Variants in CALD1 observed in about 807,000 individuals in gnomAD.
CALD1 encodes caldesmon.
In CALD1, 33 loss-of-function variants were observed where a neutral mutation model predicts 99.9. The ratio of observed to expected loss-of-function variants is 0.33; its 90% CI spans 0.25 to 0.44. The LOEUF (loss-of-function observed/expected upper bound fraction) is 0.44. Among genes scored for constraint, CALD1 ranks in the 20% least tolerant of loss-of-function variants. The pLI, the probability that CALD1 is intolerant of heterozygous loss-of-function variation, is 1.00. For missense variants in CALD1, 861 were observed against 962.1 expected (o/e 0.89, Z 1.39); for synonymous variants, 310 against 325.0 (o/e 0.95, Z 0.50).
At chr7:134,882,075 A>C (rs1801631272) in intron 3 of CALD1, among the ~76,000 whole-genome samples, 2 of 152,210 alleles carry the variant, frequency 1.3e-5, no homozygotes, top group African/African-American at 4.8e-5. Flanking sequence ...CGTAGATCAG[A>C]AACTACATCT....
upstream of CALD1, among the ~76,000 whole-genome samples, chr7:134,777,296 T>C (rs4732057): frequency 0.58 from 88,776 of 152,008 alleles, 27,140 homozygotes; most frequent in East Asian, 0.91. Flanking sequence ...CCATGATAAG[T>C]GTATTTCAAA....
chr7:134,825,425 G>C (rs1471594083), intron 1 of CALD1, among the ~76,000 whole-genome samples: 1 of 152,080 alleles, frequency 6.6e-6, no homozygotes, highest in Non-Finnish European at 1.5e-5. Context: ...ATTTTTATAA[G>C]TGATTAGGGT....
intron 1 of CALD1, among the ~76,000 whole-genome samples, chr7:134,832,520 G>A (rs973902221): frequency 6.6e-6 from 1 of 152,224 alleles, no homozygotes; most frequent in African/African-American, 2.4e-5. Context: ...GGGGTATAAA[G>A]TTGTGTGAAA....
chr7:134,794,788 A>G (rs1393323268), intron 1 of CALD1, among the ~76,000 whole-genome samples: 1 of 152,220 alleles, frequency 6.6e-6, no homozygotes, highest in African/African-American at 2.4e-5. Context: ...CTATAAGTCT[A>G]ACATAAGTAA....
At chr7:134,835,594 T>A (rs905358011) in intron 1 of CALD1, among the ~76,000 whole-genome samples, 2 of 152,164 alleles carry the variant, frequency 1.3e-5, no homozygotes, top group African/African-American at 4.8e-5. Context: ...ATTACATCAA[T>A]AAAGTGTGCC....
At chr7:134,949,458 C>T (rs1489200715) in intron 8 of CALD1, among the ~76,000 whole-genome samples, 1 of 152,106 alleles carries the variant, frequency 6.6e-6, no homozygotes, top group Non-Finnish European at 1.5e-5. Flanking sequence ...AATGAAGACA[C>T]AGAGGGGTTA....
intron 1 of CALD1, among the ~76,000 whole-genome samples, chr7:134,758,423 T>C (rs574940406): frequency 6.6e-6 from 1 of 152,210 alleles, no homozygotes; most frequent in South Asian, 2.1e-4. Context: ...CATTTAAACT[T>C]TAAGTGAACT....
chr7:134,856,402 G>C (rs1800305089), intron 2 of CALD1, among the ~76,000 whole-genome samples: 1 of 152,186 alleles, frequency 6.6e-6, no homozygotes, highest in African/African-American at 2.4e-5. Flanking sequence ...GGAAGGGTAG[G>C]TTCCCAAGCA....
At chr7:134,769,318 T>C (rs1327445506) in intron 1 of CALD1, among the ~76,000 whole-genome samples, 2 of 152,176 alleles carry the variant, frequency 1.3e-5, no homozygotes, top group Admixed American at 6.5e-5. Context: ...TGAAAGTCAC[T>C]AGATATTGTC....
the CALD1 span, among the ~76,000 whole-genome samples, chr7:134,731,575 G>A: frequency 0.53 from 81,287 of 151,942 alleles, 23,152 homozygotes; most frequent in East Asian, 0.82. Context: ...ACCATGTCCC[G>A]CTATGAAATT....
chr7:134,788,615 C>T (rs1246090937), intron 1 of CALD1, among the ~76,000 whole-genome samples: 1 of 152,122 alleles, frequency 6.6e-6, no homozygotes, highest in Non-Finnish European at 1.5e-5. Flanking sequence ...AACATAAGCT[C>T]TATGAAAGTA....
intron 1 of CALD1, among the ~76,000 whole-genome samples, chr7:134,824,541 G>C (rs1218435445): frequency 3.3e-5 from 5 of 151,944 alleles, no homozygotes; most frequent in East Asian, 3.9e-4. Context: ...GATTGGTTAA[G>C]ATCTGCATTC....
intron 1 of CALD1, among the ~76,000 whole-genome samples, chr7:134,831,601 G>T (rs757199586): frequency 8.5e-5 from 13 of 152,136 alleles, no homozygotes; most frequent in Non-Finnish European, 1.9e-4. Context: ...TTACAGGCAT[G>T]AGCCACCGCA....
At chr7:134,942,991 T>C (rs1381012419) in intron 7 of CALD1, among the ~76,000 whole-genome samples, 2 of 152,154 alleles carry the variant, frequency 1.3e-5, no homozygotes, top group Admixed American at 6.5e-5. Context: ...CTGGCCTTAA[T>C]TTTTCTATTT....
intron 3 of CALD1, chr7:134,920,447 A>C: frequency 3.1e-6 from 3 of 966,710 alleles, no homozygotes; most frequent in Non-Finnish European, 2.6e-6. Context: ...AATGATGGGA[A>C]TCAAATAAAA....
At chr7:134,865,466 T>C (rs1364913152) in intron 2 of CALD1, among the ~76,000 whole-genome samples, 2 of 152,120 alleles carry the variant, frequency 1.3e-5, no homozygotes, top group South Asian at 2.1e-4. Flanking sequence ...AGCACTGGTC[T>C]GTAGGAAATG....
chr7:134,818,665 A>G (rs1167833130), intron 1 of CALD1, among the ~76,000 whole-genome samples: 1 of 152,142 alleles, frequency 6.6e-6, no homozygotes, highest in African/African-American at 2.4e-5. Flanking sequence ...TTCAGAGCAA[A>G]AATTATTTTT....
At chr7:134,802,439 T>G (rs1004887469) in intron 1 of CALD1, among the ~76,000 whole-genome samples, 2 of 152,210 alleles carry the variant, frequency 1.3e-5, no homozygotes, top group African/African-American at 4.8e-5. Context: ...TTCATAGAAT[T>G]AATATACATA....
intron 3 of CALD1, among the ~76,000 whole-genome samples, chr7:134,923,777 G>T (rs893282076): frequency 8.5e-5 from 13 of 152,156 alleles, no homozygotes; most frequent in African/African-American, 2.7e-4. Flanking sequence ...TAGCTTTCAT[G>T]CATTACTGGT....
Sources: gnomAD v4.1 joint callset for allele counts (sites outside exome capture counted in the v4.1 genomes callset) on GRCh38, gnomAD v4.1.1 for gene constraint, MANE v1.5 for transcripts, NCBI Gene and HGNC (gene_info 2026-07-23, HGNC 2026-07-21) for gene names.